The following BRWD3 variants were observed in gnomAD, a reference collection of about 807,000 sequenced individuals.
BRWD3 encodes the protein bromodomain and WD repeat-containing protein 3.
In BRWD3, 10 loss-of-function variants were observed where a neutral mutation model predicts 149.7. The observed-to-expected ratio is 0.07, with a 90% CI of 0.04 to 0.11. The LOEUF (loss-of-function observed/expected upper bound fraction) is 0.11. Among genes scored for constraint, BRWD3 ranks in the 10% least tolerant of loss-of-function variants. BRWD3 has a pLI of 1.00. For missense variants in BRWD3, 940 were observed against 1,373.2 expected, an observed-to-expected ratio of 0.68 and a Z score of 4.99; for synonymous variants, 504 against 456.7, an observed-to-expected ratio of 1.10 and a Z score of -1.32.
At chrX:80,731,328 T>A (rs779704950) in intron 12 of BRWD3, among the ~76,000 whole-genome samples, 1 of 111,901 alleles carries the variant, frequency 8.9e-6, no homozygotes, top group African/African-American at 3.2e-5. Context: ...CAATAATGTA[T>A]TTTCTCCTTA....
At position 80,766,461 on chromosome X, in the gene BRWD3, G is replaced by A. The variant is rs1043137120; in HGVS notation, c.431-20732C>T. 3.6e-5 allele frequency among the ~76,000 whole-genome samples: 4 copies of A among 111,490 alleles called. No individual in the cohort carries two copies. In the East Asian group the frequency reaches 1.1e-3, roughly 31 times the overall value. On this transcript the variant is annotated intron_variant, in intron 6 of 40. Transcript: ENST00000373275. ...CCCTGACTATACAGGAGCCAGCAAG[G>A]AAATGCAAATCAAAACCACAATGAG...
chrX:80,703,586 C>G lies in BRWD3; in HGVS notation c.2729G>C (p.Gly910Ala), dbSNP rs150004766. The change falls in exon 24 of 41, where the codon GGA becomes GCA. Residue 910 changes from glycine to alanine, a missense_variant. Gly to Ala is a moderately conservative substitution (Grantham distance 60). This residue lies in a region of BRWD3 where 158 missense variants were observed against 284.0 expected (regional missense o/e 0.56). Transcript: ENST00000373275. ...AGGCTCACCTGCTATAGAAACCAGT[C>G]CTCCTTTCTAAAACATAAATACACG... is the stretch of plus-strand genomic sequence containing the variant. ...KPKQTRKKKG[G>A]LVSIAGEPNE... is the part of the protein sequence containing the mutation. 814 of 1,187,409 alleles carry G rather than the reference C, an allele frequency of 6.9e-4. 2 individuals carry two copies. The African/African-American group carries it at 0.012, about 18-fold the overall frequency.
At chrX:80,799,442 C>T (rs777652488) in intron 4 of BRWD3, among the ~76,000 whole-genome samples, 1 of 111,979 alleles carries the variant, frequency 8.9e-6, no homozygotes, top group African/African-American at 3.2e-5. Flanking sequence ...ATTTGTTTTC[C>T]AAGACCATGG....
chrX:80,742,229 G>C (rs954175925), intron 8 of BRWD3, among the ~76,000 whole-genome samples: 2 of 110,486 alleles, frequency 1.8e-5, no homozygotes, highest in African/African-American at 3.3e-5. Context: ...GTAGATATGT[G>C]GCATTATGTC....
chrX:80,807,786 T>C, intron 4 of BRWD3, among the ~76,000 whole-genome samples: 1 of 111,957 alleles, frequency 8.9e-6, no homozygotes, highest in African/African-American at 3.2e-5. Context: ...TGTCTCCTTG[T>C]AAACCCAAAA....
intron 6 of BRWD3, among the ~76,000 whole-genome samples, chrX:80,781,953 C>G (rs527758711): frequency 9.0e-6 from 1 of 111,599 alleles, no homozygotes; most frequent in Non-Finnish European, 1.9e-5. Context: ...ACAGATTCAA[C>G]GCAATCCCGA....
intron 27 of BRWD3, among the ~76,000 whole-genome samples, chrX:80,693,682 G>C (rs963900277): frequency 8.9e-6 from 1 of 111,806 alleles, no homozygotes; most frequent in Admixed American, 9.5e-5. Flanking sequence ...ACTTGAACTT[G>C]AGAGAGATGA....
intron 14 of BRWD3, 118 bp from the exon 15 acceptor site, chrX:80,725,185 C>T (rs1316206679): frequency 3.3e-5 from 26 of 785,270 alleles, no homozygotes; most frequent in Non-Finnish European, 4.8e-5. Flanking sequence ...AATAATTTAA[C>T]AGCATTTATG....
chrX:80,753,413 G>T (rs2073696983), intron 6 of BRWD3, among the ~76,000 whole-genome samples: 2 of 109,763 alleles, frequency 1.8e-5, no homozygotes, highest in African/African-American at 6.6e-5. Flanking sequence ...GGGATTACAG[G>T]CGGCTGCCAC....
At position 80,791,867 on chromosome X, in the gene BRWD3, T is replaced by C. The variant is rs749719502; in HGVS notation, c.417A>G (p.Lys139=). The C allele has an allele frequency of 1.7e-6, 2 of 1,198,570 alleles. No homozygotes were observed. The highest frequency in any genetic ancestry group is 4.4e-5 in the Admixed American group (2 of 45,571). ...TATATTACTCACCCACATTTGGAGG[T>C]TTCACATAATTTACAGGTAGTTCTG... ...RPPELPVNYV[K]PPNVVNITSA... is the part of the protein sequence containing the mutation. The change falls in exon 6 of 41, where the codon AAA becomes AAG. Residue 139 remains lysine, a synonymous_variant. Transcript: ENST00000373275.
intron 24 of BRWD3, among the ~76,000 whole-genome samples, chrX:80,700,580 T>C (rs972122868): frequency 4.8e-5 from 5 of 103,962 alleles, no homozygotes; most frequent in Non-Finnish European, 9.8e-5. Flanking sequence ...CTAATAAAAA[T>C]ACAAAAATTA....
intron 8 of BRWD3, 139 bp downstream of exon 8, chrX:80,743,893 G>A (rs2073555193): frequency 4.7e-6 from 2 of 423,050 alleles, no homozygotes; most frequent in Non-Finnish European, 8.1e-6. Flanking sequence ...ATATCTTGCT[G>A]CAGGGTAGGA....
intron 17 of BRWD3, among the ~76,000 whole-genome samples, chrX:80,720,418 T>A (rs969831886): frequency 1.8e-5 from 2 of 111,364 alleles, no homozygotes; most frequent in Non-Finnish European, 3.8e-5. Context: ...TTTTAAAAAG[T>A]TTAAAAAGTA....
Position 80,723,829 on chromosome X carries a change from T to C in BRWD3, c.1569A>G (p.Pro523=). The C allele has an allele frequency of 4.1e-6, 5 of 1,211,120 alleles. No homozygotes were observed. The highest frequency in any genetic ancestry group is 1.8e-5 in the South Asian group (1 of 57,002). Residue 523 remains proline (P), a synonymous_variant, in exon 16 of 41, where the codon CCA becomes CCG. Transcript: ENST00000373275. Reference sequence around the variant, plus strand: ...CTGTGCAGGCAAAATGGTTTCCATCTGGTGAAAATTTACAATCAAACACCG... The same window carrying C: ...CTGTGCAGGCAAAATGGTTTCCATCCGGTGAAAATTTACAATCAAACACCG... ...HGAVFDCKFS[P]DGNHFACTDS... is the part of the protein sequence containing the mutation.
intron 40 of BRWD3, among the ~76,000 whole-genome samples, chrX:80,678,435 T>G (rs2072397888): frequency 9.0e-6 from 1 of 111,442 alleles, no homozygotes; most frequent in Non-Finnish European, 1.9e-5. Context: ...AGATTCCATT[T>G]TAGATGTTGA....
chrX:80,741,695 G>T (rs2073508434), intron 8 of BRWD3, among the ~76,000 whole-genome samples: 1 of 112,267 alleles, frequency 8.9e-6, no homozygotes, highest in Non-Finnish European at 1.9e-5. Flanking sequence ...TCTCTTGGCT[G>T]CATAAATGTC....
At chrX:80,691,735 A>G (rs1214757536) in intron 30 of BRWD3, 88 bp downstream of exon 30, 3 of 1,083,267 alleles carry the variant, frequency 2.8e-6, no homozygotes, top group African/African-American at 1.8e-5. Context: ...ACAGTGAGAA[A>G]CTGCATATCC....
intron 6 of BRWD3, among the ~76,000 whole-genome samples, chrX:80,784,570 T>C (rs768768471): frequency 9.0e-6 from 1 of 110,773 alleles, no homozygotes; most frequent in African/African-American, 3.3e-5. Context: ...CTGGTGTGTG[T>C]TGTTCCCCCG....
In BRWD3 at chrX:80,719,569, T is replaced by C. The variant is rs1204563092; in HGVS notation, c.1964A>G (p.Gln655Arg). 1 of 1,209,368 alleles carries C rather than the reference T, an allele frequency of 8.3e-7. No homozygotes were observed. Among genetic ancestry groups the C allele is most frequent in the Non-Finnish European group, 1.1e-6 (1 of 893,626 alleles). Residue 655 changes from glutamine (Q) to arginine (R), a missense_variant, in exon 18 of 41, where the codon CAG becomes CGG. Gln to Arg is a conservative substitution (Grantham distance 43). This residue lies in a region of BRWD3 where 209 missense variants were observed against 396.8 expected (regional missense o/e 0.53). Transcript: ENST00000373275. ...AATTAGTCTCAGGTCTTGTTCTCTC[T>C]GCAGCTCCCTGATTATTCCATCAAG... ...SILDGIIRELQREQDLRLINE... is the reference protein window; with the variant it reads ...SILDGIIRELRREQDLRLINE...
Sources: allele counts gnomAD v4.1 joint callset (sites outside exome capture counted in the v4.1 genomes callset), GRCh38; gene constraint gnomAD v4.1.1; regional missense constraint gnomAD v4.1.1; transcripts MANE v1.5; gene names NCBI Gene and HGNC (gene_info 2026-07-23, HGNC 2026-07-21).